Variants in MIX23 observed in about 807,000 individuals in gnomAD.
MIX23 encodes the protein protein MIX23.
A neutral mutation model predicts 21.6 loss-of-function variants in MIX23; 13 were observed. That is an observed-to-expected ratio of 0.60 (90% CI 0.39 to 0.96). MIX23 has a LOEUF of 0.96. Ranked by LOEUF, MIX23 falls within the 40% of genes least tolerant of loss-of-function variation. The probability of loss-of-function intolerance (pLI) is 0.00; values close to 1 mark genes in which losing one functional copy is unlikely to be tolerated. For synonymous variants in MIX23, 59 were observed against 58.0 expected (o/e 1.02, Z -0.08); for missense variants, 144 against 171.2 (o/e 0.84, Z 0.89).
intron 3 of MIX23, among the ~76,000 whole-genome samples, chr3:122,366,126 C>A (rs2075394738): frequency 6.6e-6 from 1 of 151,410 alleles, no homozygotes; most frequent in Non-Finnish European, 1.5e-5. Flanking sequence ...TTCAGTGAGC[C>A]AAGATTGCAC....
chr3:122,374,102 A>ATTT (rs367550434), intron 1 of MIX23, among the ~76,000 whole-genome samples: 11 of 122,956 alleles, frequency 8.9e-5, no homozygotes, highest in African/African-American at 3.2e-4. Flanking sequence ...TGACTGGCCT[A>ATTT]TTTTTTTTTT....
intron 3 of MIX23, 145 bp downstream of exon 3, chr3:122,368,030 CT>C: frequency 3.0e-6 from 2 of 661,726 alleles, no homozygotes; most frequent in East Asian, 5.4e-5. Context: ...TAAAATAAAG[CT>C]CACTAAAAAT....
chr3:122,364,459 T>C (rs1411243488), intron 3 of MIX23, among the ~76,000 whole-genome samples: 1 of 152,228 alleles, frequency 6.6e-6, no homozygotes, highest in African/African-American at 2.4e-5. Flanking sequence ...TGAAAGTCAC[T>C]AAGATAGTCT....
intron 1 of MIX23, 131 bp downstream of exon 1, chr3:122,383,043 C>CA (rs2107691731): frequency 8.0e-7 from 1 of 1,247,916 alleles, no homozygotes; most frequent in East Asian, 2.3e-5. Context: ...CCATGACCTC[C>CA]AATGGCTCGA....
chr3:122,361,240 C>T (rs56819107), intron 4 of MIX23, among the ~76,000 whole-genome samples: 2,450 of 152,270 alleles, frequency 0.016, 61 homozygotes, highest in East Asian at 0.089. Flanking sequence ...CATAATCTTT[C>T]GCATATGCAT....
At chr3:122,382,982 C>G (rs1166287604) in intron 1 of MIX23, among the ~76,000 whole-genome samples, 192 bp downstream of exon 1, 2 of 152,226 alleles carry the variant, frequency 1.3e-5, no homozygotes, top group African/African-American at 4.8e-5. Flanking sequence ...GACCCCCCTC[C>G]TCCCTCCTCC....
intron 1 of MIX23, among the ~76,000 whole-genome samples, chr3:122,375,614 T>C (rs2075480094): frequency 6.6e-6 from 1 of 152,208 alleles, no homozygotes; most frequent in Admixed American, 6.5e-5. Context: ...GATGGGTACA[T>C]GAGTGTTTGT....
At position 122,359,830 on chromosome 3, in the gene MIX23, T is replaced by TTAAAAAAAAAAAAAAAAAAAAA. The variant is rs777269009; in HGVS notation, c.*38_*39insTTTTTTTTTTTTTTTTTTTTTA. 1 of 926,058 alleles carries TTAAAAAAAAAAAAAAAAAAAAA rather than the reference T, an allele frequency of 1.1e-6. No individual in the cohort carries two copies. Among genetic ancestry groups the TTAAAAAAAAAAAAAAAAAAAAA allele is most frequent in the African/African-American group, 3.4e-5 (1 of 29,598 alleles). 57.4% of individuals were successfully genotyped at this position (926,058 alleles called of 1,614,324 possible). ...AGCTCTTATGAGATGACCCAGTCCT[T>TTAAAAAAAAAAAAAAAAAAAAA]AAAAAAAAAAAAAAAAAAAAAAAAA... On this transcript the variant is annotated 3_prime_UTR_variant, in exon 5 of 5. Coordinates refer to ENST00000291458, the MANE Select transcript of MIX23 (RefSeq NM_001017928.4).
At chr3:122,360,032 C>T in intron 4 of MIX23, 113 bp from the exon 5 acceptor site, 6 of 1,058,828 alleles carry the variant, frequency 5.7e-6, no homozygotes, top group Non-Finnish European at 5.6e-6. Flanking sequence ...TGTCCTAAGT[C>T]AACAGATTTA....
chr3:122,376,104 A>G (rs1382205455), intron 1 of MIX23, among the ~76,000 whole-genome samples: 2 of 137,968 alleles, frequency 1.4e-5, no homozygotes, highest in Non-Finnish European at 3.1e-5. Flanking sequence ...CAGAGGTTGC[A>G]GTGAGCCGAG....
rs2075372847 is a variant in MIX23 at position 122,363,262 on chromosome 3, G to A, written c.325-235C>T. Reference sequence around the variant, plus strand: ...TTGCTGCATATCCTAATCACCTTGAGAGCTTTAAAAAAAAAATATCCCAAG... The same window carrying A: ...TTGCTGCATATCCTAATCACCTTGAAAGCTTTAAAAAAAAAATATCCCAAG... On this transcript the variant is annotated intron_variant, in intron 3 of 4. Transcript: ENST00000291458. 1.3e-5 allele frequency among the ~76,000 whole-genome samples: 2 copies of A among 151,726 alleles called. 1 individual carries two copies. Among genetic ancestry groups the A allele is most frequent in the South Asian group, 4.2e-4 (2 of 4,814 alleles).
At chr3:122,383,147 C>T (rs2075549216) in intron 1 of MIX23, 27 bp downstream of exon 1, 4 of 1,613,794 alleles carry the variant, frequency 2.5e-6, no homozygotes, top group African/African-American at 1.3e-5. Flanking sequence ...GAGGCACATG[C>T]CTGCCACATG....
chr3:122,361,152 CTAT>C (rs1185321617), intron 4 of MIX23, among the ~76,000 whole-genome samples: 2 of 152,068 alleles, frequency 1.3e-5, no homozygotes, highest in Non-Finnish European at 2.9e-5. Flanking sequence ...TGCGCCTGAC[CTAT>C]TATTCAATTT....
chr3:122,378,780 T>C (rs376364028), intron 1 of MIX23, among the ~76,000 whole-genome samples: 5 of 152,352 alleles, frequency 3.3e-5, no homozygotes, highest in African/African-American at 1.2e-4. Context: ...TTTTTCTGTG[T>C]GTACTAGAGA....
chr3:122,377,326 G>C (rs1241792910), intron 1 of MIX23, among the ~76,000 whole-genome samples: 1 of 152,222 alleles, frequency 6.6e-6, no homozygotes, highest in African/African-American at 2.4e-5. Context: ...ATAGAAAGTA[G>C]AGTATGCCAG....
In MIX23 at chr3:122,363,807, G is replaced by A. The variant is rs1343326238; in HGVS notation, c.325-780C>T. On this transcript the variant is annotated intron_variant, in intron 3 of 4. Coordinates refer to ENST00000291458, the MANE Select transcript of MIX23 (RefSeq NM_001017928.4). ...CCAACCTAATTACTCCAACAGAAAAGTAGCCAATTCCATTGCCAGGCCCTG... is the reference window on the plus strand; with the variant it reads ...CCAACCTAATTACTCCAACAGAAAAATAGCCAATTCCATTGCCAGGCCCTG... 3.4e-5 allele frequency among the ~76,000 whole-genome samples: 5 copies of A among 148,658 alleles called. 1 individual carries two copies. The highest frequency in any genetic ancestry group is 5.2e-5 in the African/African-American group (2 of 38,158).
At chr3:122,361,302 T>G (rs1030452043) in intron 4 of MIX23, among the ~76,000 whole-genome samples, 1 of 152,234 alleles carries the variant, frequency 6.6e-6, no homozygotes, top group Non-Finnish European at 1.5e-5. Context: ...GTCTAGCCCT[T>G]TTGTCTTACA....
chr3:122,365,923 C>A (rs920401756), intron 3 of MIX23, among the ~76,000 whole-genome samples: 28 of 152,172 alleles, frequency 1.8e-4, no homozygotes, highest in African/African-American at 6.7e-4. Flanking sequence ...TGCCTGTAAT[C>A]CCAGCACTTT....
chr3:122,359,963 G>A (rs376494345), intron 4 of MIX23, 44 bp from the exon 5 acceptor site: 132 of 1,536,586 alleles, frequency 8.6e-5, no homozygotes, highest in Middle Eastern at 1.7e-4. Context: ...GTTATCCTGC[G>A]TAAATCAGGC....
Sources: gnomAD v4.1 joint callset for allele counts (sites outside exome capture counted in the v4.1 genomes callset) on GRCh38, gnomAD v4.1.1 for gene constraint, MANE v1.5 for transcripts, NCBI Gene and HGNC (gene_info 2026-07-23, HGNC 2026-07-21) for gene names.